Variants in NTM observed in about 807,000 individuals in gnomAD.
The protein encoded by NTM is IgLON family member 2.
In NTM, 13 loss-of-function variants were observed where a neutral mutation model predicts 42.1. That is an observed-to-expected ratio of 0.31 (90% confidence interval 0.20 to 0.49). The LOEUF is 0.49. NTM is among the 20% of genes least tolerant of loss of function. NTM has a pLI of 0.99. For missense variants in NTM, 373 were observed against 452.8 expected (o/e 0.82, Z 1.60); for synonymous variants, 187 against 179.2 (o/e 1.04, Z -0.35).
intron 1 of NTM, among the ~76,000 whole-genome samples, chr11:131,803,658 C>G: frequency 6.6e-6 from 1 of 152,166 alleles, no homozygotes; most frequent in Admixed American, 6.5e-5. Context: ...CTCAAGCCAA[C>G]CTACTTGTTT....
intron 3 of NTM, among the ~76,000 whole-genome samples, chr11:132,189,671 C>T (rs905346059): frequency 6.9e-6 from 1 of 144,522 alleles, no homozygotes; most frequent in Admixed American, 7.0e-5. Context: ...CACACACAGA[C>T]ACACACGATA....
intron 4 of NTM, among the ~76,000 whole-genome samples, chr11:132,225,770 G>T (rs1251723145): frequency 1.3e-5 from 2 of 152,108 alleles, no homozygotes; most frequent in Non-Finnish European, 2.9e-5. Flanking sequence ...GTGCAGGTTT[G>T]TTACATAGGT....
At chr11:132,256,620 C>T (rs925311925) in intron 4 of NTM, among the ~76,000 whole-genome samples, 9 of 151,502 alleles carry the variant, frequency 5.9e-5, no homozygotes, top group Non-Finnish European at 1.2e-4. Flanking sequence ...AGCTGGCTCT[C>T]GCTCTGTTGG....
intron 2 of NTM, chr11:131,981,601 ACATCGT>A (rs2065246681): frequency 6.6e-6 from 1 of 152,216 alleles, no homozygotes; most frequent in Non-Finnish European, 1.5e-5. Context: ...TAGGGGACAC[ACATCGT>A]CTTATCATTT....
intron 1 of NTM, among the ~76,000 whole-genome samples, chr11:131,573,844 C>T (rs2057684373): frequency 6.6e-6 from 1 of 152,018 alleles, no homozygotes; most frequent in Non-Finnish European, 1.5e-5. Flanking sequence ...TGTGCCTGTC[C>T]CCACATGGAT....
intron 1 of NTM, among the ~76,000 whole-genome samples, chr11:131,555,620 C>T (rs778903534): frequency 6.6e-6 from 1 of 151,744 alleles, no homozygotes; most frequent in African/African-American, 2.4e-5. Flanking sequence ...TTGTTGGCTC[C>T]TTCTTCGATT....
chr11:132,233,404 A>G (rs1438376835), intron 4 of NTM, among the ~76,000 whole-genome samples: 1 of 152,206 alleles, frequency 6.6e-6, no homozygotes, highest in African/African-American at 2.4e-5. Flanking sequence ...AGGATGAAAA[A>G]TATCTCAAAG....
chr11:131,791,114 A>G (rs576659765), intron 1 of NTM, among the ~76,000 whole-genome samples: 35 of 152,332 alleles, frequency 2.3e-4, no homozygotes, highest in African/African-American at 8.4e-4. Context: ...CAACAAAACT[A>G]AGGCTTTGTC....
chr11:131,902,550 T>C (rs1442786222), intron 1 of NTM, among the ~76,000 whole-genome samples: 1 of 152,244 alleles, frequency 6.6e-6, no homozygotes, highest in Admixed American at 6.5e-5. Flanking sequence ...CCTTGATGCA[T>C]TGGTTTAAAG....
intron 1 of NTM, among the ~76,000 whole-genome samples, chr11:131,391,644 G>GAAAAAAAAAAA (rs5795723): frequency 4.3e-3 from 352 of 81,124 alleles, no homozygotes; most frequent in Middle Eastern, 9.6e-3. Context: ...TTTTATCTGG[G>GAAAAAAAAAAA]AAAAAAAAAA....
At chr11:131,911,168 C>A in intron 1 of NTM, 1 of 1,326,274 alleles carries the variant, frequency 7.5e-7, no homozygotes, top group Non-Finnish European at 9.7e-7. Context: ...CTGAGACGCG[C>A]CCACACCTTT....
At position 132,146,666 on chromosome 11, in the gene NTM, A is replaced by T; in HGVS notation, c.400+152A>T. On this transcript the variant is annotated intron_variant, in intron 3 of 8. Coordinates refer to ENST00000683400, the MANE Select transcript of NTM (RefSeq NM_001352005.2). The surrounding 1 kb of genome is among the most constrained non-coding windows in gnomAD (Gnocchi z 4.5). ...CATTTCTGGTTGTCATTTTGCAGTT[A>T]GAAGCTAAATTTTCCAGTCATTTTC... 1 of 713,926 alleles carries T rather than the reference A, an allele frequency of 1.4e-6. No individual in the cohort carries two copies. The highest frequency in any genetic ancestry group is 2.2e-6 in the Non-Finnish European group (1 of 461,628). The allele number at this position is 713,926 out of a possible 1,614,324, so 44.2% of individuals were successfully genotyped here. A position where few individuals can be genotyped will look rare whatever the true frequency, so the allele number is the denominator to read the frequency against.
chr11:132,116,385 C>T (rs1454101714), intron 2 of NTM, among the ~76,000 whole-genome samples: 1 of 152,154 alleles, frequency 6.6e-6, no homozygotes, highest in Non-Finnish European at 1.5e-5. Flanking sequence ...GATACTTTCT[C>T]CTACTCTTCC....
chr11:132,024,150 G>A (rs2074824169), intron 2 of NTM, among the ~76,000 whole-genome samples: 1 of 151,822 alleles, frequency 6.6e-6, no homozygotes, highest in African/African-American at 2.4e-5. Flanking sequence ...TTCCCACAGA[G>A]AGGGAAGGAG....
At chr11:131,996,196 T>C (rs1181718914) in intron 2 of NTM, among the ~76,000 whole-genome samples, 1 of 152,110 alleles carries the variant, frequency 6.6e-6, no homozygotes, top group Non-Finnish European at 1.5e-5. Flanking sequence ...GATCAATCTG[T>C]GTTTTAAGTA....
intron 1 of NTM, among the ~76,000 whole-genome samples, chr11:131,734,970 G>A (rs1346830672): frequency 6.6e-6 from 1 of 152,150 alleles, no homozygotes; most frequent in African/African-American, 2.4e-5. Flanking sequence ...ACTTCACAGT[G>A]ACAGGTGCTA....
intron 1 of NTM, among the ~76,000 whole-genome samples, chr11:131,593,694 A>G (rs1408939678): frequency 6.6e-6 from 1 of 152,220 alleles, no homozygotes; most frequent in Non-Finnish European, 1.5e-5. Flanking sequence ...CTGAGATTTA[A>G]AATTCACTCA....
intron 2 of NTM, among the ~76,000 whole-genome samples, chr11:132,038,275 C>T (rs1160126075): frequency 6.6e-6 from 1 of 152,180 alleles, no homozygotes; most frequent in African/African-American, 2.4e-5. Flanking sequence ...TGCTCGCTGC[C>T]CTCATGCATT....
At chr11:131,723,345 A>T (rs970322885) in intron 1 of NTM, among the ~76,000 whole-genome samples, 12 of 152,264 alleles carry the variant, frequency 7.9e-5, no homozygotes, top group African/African-American at 2.9e-4. Context: ...CAGTTACTAC[A>T]GATCCTCTTC....
Sources: gnomAD v4.1 joint callset for allele counts (sites outside exome capture counted in the v4.1 genomes callset) on GRCh38, gnomAD v4.1.1 for gene constraint, Gnocchi (gnomAD v3.1) non-coding constraint, MANE v1.5 for transcripts, NCBI Gene and HGNC (gene_info 2026-07-23, HGNC 2026-07-21) for gene names.